CCDC178: variants seen among roughly 807,000 people sequenced by gnomAD.
CCDC178 encodes coiled-coil domain-containing protein 178.
CCDC178 carries 126 observed loss-of-function variants against 117.4 expected under a neutral mutation model. The observed-to-expected ratio is 1.07, with a 90% CI of 0.93 to 1.24. The LOEUF (loss-of-function observed/expected upper bound fraction) is 1.24. CCDC178 is among the 50% of genes most tolerant of loss of function. CCDC178 has a pLI of 0.00. For missense variants in CCDC178, 1,030 were observed against 986.9 expected, an observed-to-expected ratio of 1.04 and a Z score of -0.59; for synonymous variants, 283 against 313.4, an observed-to-expected ratio of 0.90 and a Z score of 1.02.
At chr18:33,071,214 G>C (rs2057103214) in intron 21 of CCDC178, among the ~76,000 whole-genome samples, 1 of 152,030 alleles carries the variant, frequency 6.6e-6, no homozygotes, top group Admixed American at 6.6e-5. Flanking sequence ...TGGAAAGGTG[G>C]ACGCATAGAG....
At chr18:33,030,528 G>GACAGATAGATAC (rs1555630259) in intron 21 of CCDC178, among the ~76,000 whole-genome samples, 4 of 150,330 alleles carry the variant, frequency 2.7e-5, no homozygotes, top group African/African-American at 9.8e-5. Flanking sequence ...ATAGAAGATA[G>GACAGATAGATAC]ATAGATAGAT....
chr18:32,959,423 A>C (rs2054661597), intron 22 of CCDC178, among the ~76,000 whole-genome samples: 1 of 152,082 alleles, frequency 6.6e-6, no homozygotes, highest in African/African-American at 2.4e-5. Flanking sequence ...ATAAAAACTG[A>C]GTCTGGTTCA....
chr18:33,280,870 G>C (rs1454143532), intron 12 of CCDC178, among the ~76,000 whole-genome samples: 2 of 152,096 alleles, frequency 1.3e-5, no homozygotes, highest in African/African-American at 4.8e-5. Flanking sequence ...ACTAAACACC[G>C]CATGTTCTCA....
chr18:33,158,084 T>C (rs938640493), intron 20 of CCDC178, among the ~76,000 whole-genome samples: 4 of 152,166 alleles, frequency 2.6e-5, no homozygotes, highest in Non-Finnish European at 5.9e-5. Context: ...TAGTAGTGTT[T>C]ATCTACTTCC....
At chr18:33,002,777 C>A (rs971810964) in intron 21 of CCDC178, among the ~76,000 whole-genome samples, 1 of 151,262 alleles carries the variant, frequency 6.6e-6, no homozygotes, top group African/African-American at 2.4e-5. Context: ...ATTGACAAAC[C>A]TTTAGCCAAA....
At chr18:32,971,386 G>GC (rs1348838768) in intron 22 of CCDC178, among the ~76,000 whole-genome samples, 1 of 152,112 alleles carries the variant, frequency 6.6e-6, no homozygotes, top group Non-Finnish European at 1.5e-5. Context: ...GTATTCCATG[G>GC]TGTATATGTG....
chr18:33,126,784 G>C (rs142229834), intron 20 of CCDC178, among the ~76,000 whole-genome samples: 1 of 151,588 alleles, frequency 6.6e-6, no homozygotes, highest in East Asian at 1.9e-4. Context: ...TCAGCCTCCC[G>C]AGTAGCTGGG....
At chr18:33,387,602 C>T (rs995926726) in intron 5 of CCDC178, among the ~76,000 whole-genome samples, 25 of 152,088 alleles carry the variant, frequency 1.6e-4, no homozygotes, top group African/African-American at 6.0e-4. Flanking sequence ...CAAAAAGAAG[C>T]AATGGGGAAA....
In CCDC178 at chr18:33,193,130, GC is replaced by G. The variant is rs768720400; in HGVS notation, c.2238+18765del. ...ACAAAAAAATTAGCCGGGCGTGGTGGCAGGCGCCTGTAGTCGCAGCTACCTG... is the reference window on the plus strand; with the variant it reads ...ACAAAAAAATTAGCCGGGCGTGGTGGAGGCGCCTGTAGTCGCAGCTACCTG... On this transcript the variant is annotated intron_variant, in intron 20 of 22. Transcript: ENST00000383096. 4.0e-4 allele frequency among the ~76,000 whole-genome samples: 60 copies of G among 150,780 alleles called. 1 individual carries two copies. The highest frequency in any genetic ancestry group is 1.7e-3 in the Admixed American group (26 of 15,154).
At chr18:33,179,078 A>AAATATATATATATATAT (rs71159804) in intron 20 of CCDC178, among the ~76,000 whole-genome samples, 1 of 55,822 alleles carries the variant, frequency 1.8e-5, no homozygotes, top group Non-Finnish European at 2.9e-5. Context: ...AAAAAAAAAA[A>AAATATATATATATATAT]ATATATATAT....
rs1476983424 is a variant in CCDC178 at position 33,097,714 on chromosome 18, A to G, written c.2239-4804T>C. ...AAATGTAATGACATTAAATAATTAA[A>G]TCAAATAACTGAATTCCATAGTTCT... is the stretch of plus-strand genomic sequence containing the variant. On this transcript the variant is annotated intron_variant, in intron 20 of 22. Transcript: ENST00000383096. Among the ~76,000 whole-genome samples the G allele has an allele frequency of 2.0e-5, 3 of 152,122 alleles. No homozygotes were observed. The East Asian group carries it at 5.8e-4, about 29-fold the overall frequency.
chr18:33,008,243 C>T (rs1246565202), intron 21 of CCDC178, among the ~76,000 whole-genome samples: 1 of 152,092 alleles, frequency 6.6e-6, no homozygotes, highest in African/African-American at 2.4e-5. Context: ...ATATCTCAAA[C>T]AACTTTTCCT....
At chr18:33,396,681 T>C (rs1486197639) in intron 4 of CCDC178, among the ~76,000 whole-genome samples, 1 of 152,144 alleles carries the variant, frequency 6.6e-6, no homozygotes, top group African/African-American at 2.4e-5. Flanking sequence ...AAAATTAAAT[T>C]ACATCTTTAG....
chr18:33,441,010 G>C (rs1048849993), upstream of CCDC178: 1 of 152,322 alleles, frequency 6.6e-6, no homozygotes, highest in East Asian at 1.9e-4. Context: ...AGGTTAGAAC[G>C]TGAGGGGATC....
chr18:33,133,791 A>G (rs1260429269), intron 20 of CCDC178, among the ~76,000 whole-genome samples: 1 of 151,962 alleles, frequency 6.6e-6, no homozygotes, highest in Non-Finnish European at 1.5e-5. Flanking sequence ...CTGTATTCTT[A>G]GTTGTCTAAA....
At chr18:33,100,804 T>C (rs2057615038) in intron 20 of CCDC178, among the ~76,000 whole-genome samples, 1 of 152,010 alleles carries the variant, frequency 6.6e-6, no homozygotes, top group African/African-American at 2.4e-5. Context: ...CTTACACAAA[T>C]GCCACTTATG....
intron 21 of CCDC178, among the ~76,000 whole-genome samples, chr18:33,023,544 T>A (rs967858689): frequency 1.3e-5 from 2 of 152,084 alleles, no homozygotes; most frequent in African/African-American, 4.8e-5. Context: ...AAGCAACATG[T>A]TCAAATTTGT....
At chr18:33,181,400 G>C (rs527594348) in intron 20 of CCDC178, among the ~76,000 whole-genome samples, 2 of 151,746 alleles carry the variant, frequency 1.3e-5, no homozygotes, top group South Asian at 4.1e-4. Context: ...AAAAATAAAA[G>C]GACATTTGTG....
chr18:32,998,153 TAATC>T (rs2055557531), intron 21 of CCDC178, among the ~76,000 whole-genome samples: 1 of 152,208 alleles, frequency 6.6e-6, no homozygotes, highest in African/African-American at 2.4e-5. Context: ...TGAAGAGAGA[TAATC>T]TGTGTGCTTG....
Sources: allele counts gnomAD v4.1 joint callset (sites outside exome capture counted in the v4.1 genomes callset), GRCh38; gene constraint gnomAD v4.1.1; transcripts MANE v1.5; gene names NCBI Gene and HGNC (gene_info 2026-07-23, HGNC 2026-07-21).